NPNT: variants seen among roughly 807,000 people sequenced by gnomAD.
NPNT encodes the protein nephronectin.
Under a neutral mutation model 68.6 loss-of-function variants are expected in NPNT, and 45 were observed. The ratio of observed to expected loss-of-function variants is 0.66; its 90% CI spans 0.52 to 0.84. The LOEUF (loss-of-function observed/expected upper bound fraction) is 0.84, where lower values mean the gene tolerates loss of function less well. Ranked by LOEUF, NPNT falls within the 40% of genes least tolerant of loss-of-function variation. The pLI is 0.00. For missense variants in NPNT, 672 were observed against 714.8 expected, an observed-to-expected ratio of 0.94 and a Z score of 0.68; for synonymous variants, 233 against 253.3, an observed-to-expected ratio of 0.92 and a Z score of 0.76.
In NPNT at chr4:105,970,239, A is replaced by G. The variant is rs1015107232; in HGVS notation, c.*1249A>G. ...GAGGAGCAGGGCAAGTTGGAATTCTAAGATCCATGAACCCCCAACTGTATT... is the reference window on the plus strand; with the variant it reads ...GAGGAGCAGGGCAAGTTGGAATTCTGAGATCCATGAACCCCCAACTGTATT... On this transcript the variant is annotated 3_prime_UTR_variant, in exon 12 of 12. Coordinates refer to ENST00000379987, the MANE Select transcript of NPNT (RefSeq NM_001033047.3). 1.8e-6 allele frequency: 1 copy of G among 566,782 alleles called. No homozygotes were observed. The highest frequency in any genetic ancestry group is 1.9e-5 in the African/African-American group (1 of 53,246). The allele number at this position is 566,782 out of a possible 1,614,324, so 35.1% of individuals were successfully genotyped here.
chr4:105,924,388 AAC>A (rs1728520632), intron 2 of NPNT, among the ~76,000 whole-genome samples: 1 of 152,218 alleles, frequency 6.6e-6, no homozygotes, highest in African/African-American at 2.4e-5. Context: ...CTTTTTGTGC[AAC>A]AGTTTCCAAA....
intron 8 of NPNT, among the ~76,000 whole-genome samples, chr4:105,945,088 T>C (rs1730274308): frequency 6.6e-6 from 1 of 152,214 alleles, no homozygotes; most frequent in Non-Finnish European, 1.5e-5. Flanking sequence ...ATGGCCACTA[T>C]TTGGCAGTCT....
intron 5 of NPNT, among the ~76,000 whole-genome samples, chr4:105,938,649 A>G (rs991230028): frequency 1.3e-5 from 2 of 152,246 alleles, no homozygotes; most frequent in Non-Finnish European, 2.9e-5. Context: ...AGGGAACCCT[A>G]TGTGCAAAGA....
chr4:105,953,114 C>A (rs1449815843), intron 8 of NPNT, among the ~76,000 whole-genome samples: 1 of 152,092 alleles, frequency 6.6e-6, no homozygotes, highest in Non-Finnish European at 1.5e-5. Flanking sequence ...TGTAGTGAGC[C>A]AAGATCGTGC....
chr4:105,912,016 A>G (rs531851235), intron 2 of NPNT: 6 of 583,760 alleles, frequency 1.0e-5, no homozygotes, highest in Middle Eastern at 3.1e-4. Flanking sequence ...CAAAATGGTG[A>G]CTAAAATATT....
At chr4:105,899,105 C>G (rs1726193202) in intron 2 of NPNT, among the ~76,000 whole-genome samples, 1 of 152,110 alleles carries the variant, frequency 6.6e-6, no homozygotes, top group South Asian at 2.1e-4. Context: ...GTTCCCTCTG[C>G]TATTTTAATT....
chr4:105,904,204 TA>T (rs1427677807), intron 2 of NPNT, among the ~76,000 whole-genome samples: 1 of 152,230 alleles, frequency 6.6e-6, no homozygotes, highest in Admixed American at 6.5e-5. Flanking sequence ...CAAGCAATTC[TA>T]AAAAAACTTT....
intron 3 of NPNT, among the ~76,000 whole-genome samples, chr4:105,936,471 T>C (rs1560917326): frequency 1.3e-5 from 2 of 152,218 alleles, no homozygotes; most frequent in Admixed American, 1.3e-4. Flanking sequence ...AGCAGTCAAA[T>C]GTTTTAAAAT....
chr4:105,953,061 G>A (rs1191595153), intron 8 of NPNT, among the ~76,000 whole-genome samples: 4 of 152,144 alleles, frequency 2.6e-5, no homozygotes, highest in Non-Finnish European at 5.9e-5. Context: ...AGCTACTCGA[G>A]AGGCTGAGAC....
At chr4:105,943,965 A>G (rs953557199) in intron 8 of NPNT, among the ~76,000 whole-genome samples, 1 of 152,164 alleles carries the variant, frequency 6.6e-6, no homozygotes, top group Non-Finnish European at 1.5e-5. Flanking sequence ...ACAGGGTGGG[A>G]CACCATCTCA....
chr4:105,909,178 A>G (rs1727158775), intron 2 of NPNT, among the ~76,000 whole-genome samples: 1 of 152,166 alleles, frequency 6.6e-6, no homozygotes, highest in South Asian at 2.1e-4. Flanking sequence ...CAGTGTTTAG[A>G]GTTGATTTTA....
Position 105,970,142 on chromosome 4 carries a change from T to A in NPNT, c.*1152T>A, listed in dbSNP as rs1236287602. On this transcript the variant is annotated 3_prime_UTR_variant, in exon 12 of 12. Coordinates refer to ENST00000379987, the MANE Select transcript of NPNT (RefSeq NM_001033047.3). ...CTTATGTTGCTCATGTTGTGCTGTG[T>A]CAGGATGGGATAGGAAGCAAGTCCC... is the stretch of plus-strand genomic sequence containing the variant. 8 of 462,342 alleles carry A rather than the reference T, an allele frequency of 1.7e-5. No individual in the cohort carries two copies. Among genetic ancestry groups the A allele is most frequent in the Non-Finnish European group, 2.7e-5 (7 of 255,510 alleles). 28.6% of individuals were successfully genotyped at this position (462,342 alleles called of 1,614,324 possible).
intron 11 of NPNT, 149 bp from the exon 12 acceptor site, chr4:105,968,746 G>T (rs1732363781): frequency 3.5e-6 from 2 of 571,578 alleles, no homozygotes; most frequent in South Asian, 4.8e-5. Context: ...AGAAGCTTCA[G>T]TGATACTGGC....
chr4:105,940,331 A>C (rs1729837565), intron 6 of NPNT, 122 bp downstream of exon 6: 1 of 1,114,068 alleles, frequency 9.0e-7, no homozygotes, highest in Non-Finnish European at 1.3e-6. Context: ...TTAAACCAAC[A>C]GACATCCAGT....
intron 2 of NPNT, among the ~76,000 whole-genome samples, chr4:105,919,231 G>A (rs539935901): frequency 1.3e-5 from 2 of 151,970 alleles, no homozygotes; most frequent in Admixed American, 1.3e-4. Flanking sequence ...TATTGTTAAC[G>A]TTTTACACAT....
intron 8 of NPNT, among the ~76,000 whole-genome samples, chr4:105,954,844 ACTAGCATCCTCTG>A (rs1167930066): frequency 2.0e-5 from 3 of 152,168 alleles, no homozygotes; most frequent in Non-Finnish European, 4.4e-5. Flanking sequence ...TCCCGTACTC[ACTAGCATCCTCTG>A]CTTCTTTAAA....
rs370332718 is a variant in NPNT at position 105,968,953 on chromosome 4, T to C, written c.1661T>C (p.Val554Ala). 8 of 1,613,368 alleles carry C rather than the reference T, an allele frequency of 5.0e-6. No individual in the cohort carries two copies. The highest frequency in any genetic ancestry group is 1.3e-5 in the African/African-American group (1 of 74,992). Residue 554 changes from valine to alanine, a missense_variant, in exon 12 of 12, where the codon GTG becomes GCG. Physicochemically the swap from Val to Ala is moderately conservative, Grantham distance 64 (BLOSUM62 0). Coordinates refer to ENST00000379987, the MANE Select transcript of NPNT (RefSeq NM_001033047.3). ...ACTGGGGAGATTGGATTAGATGATG[T>C]GAGCTTGAAAAAAGGCCACTGCTCT... ...GHTGEIGLDD[V>A]SLKKGHCSEE...
intron 3 of NPNT, 188 bp downstream of exon 3, chr4:105,927,616 A>C (rs1366554428): frequency 2.5e-5 from 9 of 359,902 alleles, no homozygotes; most frequent in African/African-American, 1.9e-4. Flanking sequence ...GGACAATTAA[A>C]CAAATTGTAT....
In NPNT at chr4:105,897,968, G is replaced by A. The variant is rs1433056740; in HGVS notation, c.139G>A (p.Gly47Ser). 11 of 1,612,910 alleles carry A rather than the reference G, an allele frequency of 6.8e-6. No individual in the cohort carries two copies. Among genetic ancestry groups the A allele is most frequent in the Non-Finnish European group, 8.5e-6 (10 of 1,179,588 alleles). ...RYGGRIDCCW[G>S]WARQSWGQCQ... ...TGGTGGGAGGATTGACTGCTGCTGG[G>A]GCTGGGCTCGCCAGTCTTGGGGACA... Residue 47 changes from glycine to serine, a missense_variant, in exon 2 of 12, where the codon GGC becomes AGC. By Grantham distance (56) the Gly-to-Ser change is moderately conservative. Transcript: ENST00000379987.
Sources: allele counts gnomAD v4.1 joint callset (sites outside exome capture counted in the v4.1 genomes callset), GRCh38; gene constraint gnomAD v4.1.1; transcripts MANE v1.5; gene names NCBI Gene and HGNC (gene_info 2026-07-23, HGNC 2026-07-21).